OSBPL1A: variants seen among roughly 807,000 people sequenced by gnomAD.
OSBPL1A encodes the protein oxysterol binding protein like 1A.
OSBPL1A carries 80 observed loss-of-function variants against 137.1 expected under a neutral mutation model. That is an observed-to-expected ratio of 0.58 (90% CI 0.49 to 0.70). The LOEUF is 0.70. Ranked by LOEUF, OSBPL1A falls within the 30% of genes least tolerant of loss-of-function variation. OSBPL1A has a pLI of 0.00. For missense variants in OSBPL1A, 970 were observed against 1,129.4 expected (o/e 0.86, Z 2.02); for synonymous variants, 365 against 389.7 (o/e 0.94, Z 0.75).
At chr18:24,185,328 CTTTTTTTT>C (rs200202342) in intron 18 of OSBPL1A, among the ~76,000 whole-genome samples, 1 of 139,908 alleles carries the variant, frequency 7.1e-6, no homozygotes, top group African/African-American at 2.6e-5. Context: ...ATTCTTTTTT[CTTTTTTTT>C]TTTTTTTTTG....
chr18:24,335,594 C>T lies in OSBPL1A; in HGVS notation c.395-1264G>A, dbSNP rs138281180. Among the ~76,000 whole-genome samples, 155 of 152,214 alleles carry T rather than the reference C, an allele frequency of 1.0e-3. 2 individuals are homozygous for T. The East Asian group carries it at 0.02, about 20-fold the overall frequency. On this transcript the variant is annotated intron_variant, in intron 5 of 27. Coordinates refer to ENST00000319481, the MANE Select transcript of OSBPL1A (RefSeq NM_080597.4). ...AATTTCAGAGAACGACTTGGTGATC[C>T]CACTAAATATACGTCTACAATGTCC...
chr18:24,211,383 T>C (rs185261741), intron 17 of OSBPL1A, among the ~76,000 whole-genome samples: 2 of 152,322 alleles, frequency 1.3e-5, no homozygotes, highest in Admixed American at 1.3e-4. Flanking sequence ...AAAGGATAAC[T>C]GGATTCTCAT....
At position 24,230,140 on chromosome 18, in the gene OSBPL1A, G is replaced by A. The variant is rs145544219; in HGVS notation, c.1445-4942C>T. 1.8e-3 allele frequency among the ~76,000 whole-genome samples: 273 copies of A among 152,320 alleles called. 1 individual carries two copies. Among genetic ancestry groups the A allele is most frequent in the African/African-American group, 6.5e-3 (269 of 41,576 alleles). Reference sequence around the variant, plus strand: ...TGGGTAATATATTAATGCCTTAGTAGAAAGCATGAAGGGAAGAGGTGCATC... The same window carrying A: ...TGGGTAATATATTAATGCCTTAGTAAAAAGCATGAAGGGAAGAGGTGCATC... On this transcript the variant is annotated intron_variant, in intron 16 of 27. Coordinates refer to ENST00000319481, the MANE Select transcript of OSBPL1A (RefSeq NM_080597.4).
intron 7 of OSBPL1A, among the ~76,000 whole-genome samples, chr18:24,323,574 G>GTTTTTT (rs2090912840): frequency 3.4e-5 from 1 of 29,554 alleles, no homozygotes; most frequent in Non-Finnish European, 5.8e-5. Flanking sequence ...TATACTCTAA[G>GTTTTTT]TTTTAGGGTA....
chr18:24,306,389 G>C (rs371179815), intron 13 of OSBPL1A, among the ~76,000 whole-genome samples: 5 of 152,214 alleles, frequency 3.3e-5, no homozygotes, highest in South Asian at 2.1e-4. Context: ...GCATAGGCTA[G>C]TAGAGAAGTA....
rs1003226035 is a variant in OSBPL1A at position 24,298,466 on chromosome 18, C to T, written c.1174+5171G>A. Among the ~76,000 whole-genome samples, 7 of 152,322 alleles carry T rather than the reference C, an allele frequency of 4.6e-5. No homozygotes were observed. In the South Asian group the frequency reaches 1.0e-3, roughly 23 times the overall value. ...GGTTCAAGCGATTCTCCTGCCTCAG[C>T]CCCCCAGTAGCTGGGACTATAGGCG... On this transcript the variant is annotated intron_variant, in intron 14 of 27. Coordinates refer to ENST00000319481, the MANE Select transcript of OSBPL1A (RefSeq NM_080597.4).
At chr18:24,185,910 T>G (rs986254979) in intron 18 of OSBPL1A, among the ~76,000 whole-genome samples, 1 of 151,942 alleles carries the variant, frequency 6.6e-6, no homozygotes, top group Non-Finnish European at 1.5e-5. Flanking sequence ...CTACAAAAAA[T>G]TTAGAAAACT....
chr18:24,301,936 T>C (rs537925859), intron 14 of OSBPL1A, among the ~76,000 whole-genome samples: 64 of 152,238 alleles, frequency 4.2e-4, no homozygotes, highest in African/African-American at 1.5e-3. Context: ...GTGATTAAAA[T>C]AGTTAATCAT....
At chr18:24,377,377 CAT>C in intron 2 of OSBPL1A, 34 bp downstream of exon 2, 8 of 1,587,522 alleles carry the variant, frequency 5.0e-6, no homozygotes, top group Non-Finnish European at 6.8e-6. Flanking sequence ...AGTGCAGACT[CAT>C]AAGAGAAAGC....
intron 4 of OSBPL1A, among the ~76,000 whole-genome samples, chr18:24,360,625 T>C (rs72886766): frequency 0.037 from 5,579 of 152,260 alleles, 153 homozygotes; most frequent in African/African-American, 0.067. Flanking sequence ...TCATTCAACA[T>C]CATTTCATTG....
intron 15 of OSBPL1A, among the ~76,000 whole-genome samples, chr18:24,256,279 T>C (rs1313420371): frequency 6.6e-6 from 1 of 152,148 alleles, no homozygotes; most frequent in Non-Finnish European, 1.5e-5. Context: ...AGATCATTCA[T>C]CATAAACAAG....
In OSBPL1A at chr18:24,353,839, G is replaced by A. The variant is rs375280631; in HGVS notation, c.283-12181C>T. On this transcript the variant is annotated intron_variant, in intron 4 of 27. Transcript: ENST00000319481. Reference sequence around the variant, plus strand: ...AAGGACGAGAAACCAAACACCGCATGTTCTCACTCACAGGTGGGAATTGAA... The same window carrying A: ...AAGGACGAGAAACCAAACACCGCATATTCTCACTCACAGGTGGGAATTGAA... 5.3e-5 allele frequency among the ~76,000 whole-genome samples: 8 copies of A among 149,914 alleles called. No homozygotes were observed. The East Asian group carries it at 9.9e-4, about 19-fold the overall frequency.
chr18:24,357,569 G>C (rs1031226550), intron 4 of OSBPL1A: 4 of 152,114 alleles, frequency 2.6e-5, no homozygotes, highest in Non-Finnish European at 5.9e-5. Context: ...AAAGGGGGAG[G>C]CAGGTTTGCA....
intron 16 of OSBPL1A, among the ~76,000 whole-genome samples, chr18:24,238,566 G>C (rs909897206): frequency 2.0e-5 from 3 of 152,166 alleles, no homozygotes; most frequent in African/African-American, 7.2e-5. Context: ...ACGACCTATT[G>C]AAATGGACAC....
intron 3 of OSBPL1A, 40 bp downstream of exon 3, chr18:24,368,247 T>C (rs1259316270): frequency 2.1e-6 from 3 of 1,448,558 alleles, no homozygotes; most frequent in African/African-American, 2.8e-5. Flanking sequence ...ATAACAATAA[T>C]ATTTACTGTA....
chr18:24,372,937 G>A (rs1049219783), intron 2 of OSBPL1A, among the ~76,000 whole-genome samples: 1 of 151,998 alleles, frequency 6.6e-6, no homozygotes, highest in African/African-American at 2.4e-5. Context: ...GATGGTGGGC[G>A]CCTGTAGTCC....
chr18:24,305,797 T>G (rs1368825940), intron 13 of OSBPL1A, among the ~76,000 whole-genome samples: 9 of 152,124 alleles, frequency 5.9e-5, no homozygotes, highest in Non-Finnish European at 1.0e-4. Flanking sequence ...GCTGTTCTCA[T>G]GATAGTGAAC....
intron 14 of OSBPL1A, among the ~76,000 whole-genome samples, chr18:24,295,454 T>TG (rs1403115333): frequency 1.3e-5 from 2 of 152,232 alleles, no homozygotes; most frequent in Non-Finnish European, 2.9e-5. Context: ...TACTTGCTGT[T>TG]GGGGTCTTAG....
chr18:24,171,502 T>A lies in OSBPL1A; in HGVS notation c.2202-4A>T. 6.2e-7 allele frequency: 1 copy of A among 1,604,158 alleles called. No homozygotes were observed. On this transcript the variant is annotated splice_region_variant and splice_polypyrimidine_tract_variant and intron_variant, in intron 22 of 27. Coordinates refer to ENST00000319481, the MANE Select transcript of OSBPL1A (RefSeq NM_080597.4). ...CAACACACATTTGTCCCCAGTCCTA[T>A]AAAGAAAATACTAAGTTCAGATTAT...
Sources: gnomAD v4.1 joint callset for allele counts (sites outside exome capture counted in the v4.1 genomes callset) on GRCh38, gnomAD v4.1.1 for gene constraint, MANE v1.5 for transcripts, NCBI Gene and HGNC (gene_info 2026-07-23, HGNC 2026-07-21) for gene names.